Variants in RASA3 observed in about 807,000 individuals in gnomAD.
RASA3 encodes RAS p21 protein activator 3, also known as ras GTPase-activating protein 3.
Under a neutral mutation model 110.0 loss-of-function variants are expected in RASA3, and 73 were observed. That is an observed-to-expected ratio of 0.66 (90% confidence interval 0.55 to 0.81). RASA3 has a LOEUF of 0.81. Ranked by LOEUF, RASA3 falls within the 30% of genes least tolerant of loss-of-function variation. RASA3 has a pLI of 0.00. For missense variants in RASA3, 976 were observed against 1,113.2 expected (o/e 0.88, Z 1.75); for synonymous variants, 500 against 451.4 (o/e 1.11, Z -1.37).
chr13:114,000,936 T>C lies in RASA3; in HGVS notation c.1743-4A>G. 1.2e-6 allele frequency: 2 copies of C among 1,603,878 alleles called. No individual in the cohort carries two copies. The highest frequency in any genetic ancestry group is 8.5e-7 in the Non-Finnish European group (1 of 1,170,926). ...TTGGGCCCTCTTGATCATGAACCTG[T>C]GTGAAGAGCACACAGGGCCGGGGTC... On this transcript the variant is annotated splice_polypyrimidine_tract_variant and splice_region_variant and intron_variant, in intron 18 of 23. Coordinates refer to ENST00000334062, the MANE Select transcript of RASA3 (RefSeq NM_007368.4).
At chr13:114,072,375 T>C (rs2079586861) in intron 2 of RASA3, among the ~76,000 whole-genome samples, 1 of 152,216 alleles carries the variant, frequency 6.6e-6, no homozygotes, top group African/African-American at 2.4e-5. Flanking sequence ...GGGAAACTTG[T>C]TGATTTTAAG....
At chr13:114,053,010 C>T (rs371279263) in intron 2 of RASA3, among the ~76,000 whole-genome samples, 37 of 73,070 alleles carry the variant, frequency 5.1e-4, no homozygotes, top group African/African-American at 1.2e-3. Flanking sequence ...GGGGGAGAGA[C>T]CCCCGCTGCT....
rs139371470 is a variant in RASA3 at position 114,014,241 on chromosome 13, G to A, written c.1405+968C>T. 4.9e-3 allele frequency among the ~76,000 whole-genome samples: 740 copies of A among 152,298 alleles called. 8 individuals are homozygous for A. The highest frequency in any genetic ancestry group is 7.7e-3 in the Non-Finnish European group (522 of 68,026). ...CCCTTTGGTGTCTCATTCCACAGTG[G>A]TCTGTGCTCATCTGGGTGAGAGGAT... On this transcript the variant is annotated intron_variant, in intron 14 of 23. Coordinates refer to ENST00000334062, the MANE Select transcript of RASA3 (RefSeq NM_007368.4). This position sits in a 1 kb window ranked among gnomAD's most constrained non-coding sequence, Gnocchi z 4.5.
chr13:114,052,917 ACCCCCGC>A (rs2079172986), intron 2 of RASA3, among the ~76,000 whole-genome samples: 1 of 82,386 alleles, frequency 1.2e-5, no homozygotes, highest in African/African-American at 5.6e-5. Flanking sequence ...TGGGGGAGAG[ACCCCCGC>A]TGCTGACTGT....
At chr13:114,077,984 T>C (rs2079721096) in intron 1 of RASA3, 2 of 978,664 alleles carry the variant, frequency 2.0e-6, no homozygotes, top group Admixed American at 6.3e-5. Flanking sequence ...TAATAAAGCA[T>C]TGAAACAGAA....
chr13:114,012,231 T>A (rs1377014913), intron 15 of RASA3, among the ~76,000 whole-genome samples: 1 of 151,742 alleles, frequency 6.6e-6, no homozygotes. Flanking sequence ...CTGTCTCGAC[T>A]CCCCCAGAAC....
At position 114,029,815 on chromosome 13, in the gene RASA3, TG is replaced by T; in HGVS notation, c.444del (p.Thr149HisfsTer12). 6.3e-7 allele frequency: 1 copy of T among 1,592,320 alleles called. No homozygotes were observed. Reference protein sequence around the residue: ...TDTGVVCHKLATRIVECQGLP... With the variant: ...TDTGVVCHKLXTRIVECQGLP... ...TCTAGTGAGGACGTGTCTTACCGTGTGGCGAGCTTGTGGCAGACGACCCCAG... is the reference window on the plus strand; with the variant it reads ...TCTAGTGAGGACGTGTCTTACCGTGTGCGAGCTTGTGGCAGACGACCCCAG... On this transcript the variant is annotated frameshift_variant, in exon 5 of 24. Coordinates refer to ENST00000334062, the MANE Select transcript of RASA3 (RefSeq NM_007368.4). LOFTEE classifies it high-confidence loss of function.
intron 7 of RASA3, 74 bp downstream of exon 7, chr13:114,027,315 C>T: frequency 7.9e-7 from 1 of 1,264,284 alleles, no homozygotes; most frequent in Non-Finnish European, 1.1e-6. Flanking sequence ...TGAGATCATT[C>T]TGGATCCAGA....
At chr13:114,073,865 C>A in intron 1 of RASA3, 28 bp from the exon 2 acceptor site, 1 of 1,555,592 alleles carries the variant, frequency 6.4e-7, no homozygotes, top group South Asian at 1.1e-5. Context: ...CATACATCAT[C>A]AGCAGCGTAG....
intron 7 of RASA3, among the ~76,000 whole-genome samples, chr13:114,024,579 T>C (rs2053992966): frequency 6.6e-6 from 1 of 152,272 alleles, no homozygotes; most frequent in African/African-American, 2.4e-5. Context: ...AGGTGAGACC[T>C]GCCCCAAGGC....
rs971678240 is a variant in RASA3 at position 113,996,142 on chromosome 13, G to A, written c.2141+389C>T. Among the ~76,000 whole-genome samples, 26 of 152,110 alleles carry A rather than the reference G, an allele frequency of 1.7e-4. 1 individual carries two copies. Among genetic ancestry groups the A allele is most frequent in the Non-Finnish European group, 2.4e-4 (16 of 67,970 alleles). On this transcript the variant is annotated intron_variant, in intron 21 of 23. Coordinates refer to ENST00000334062, the MANE Select transcript of RASA3 (RefSeq NM_007368.4). ...GGCCGGGAAGACAACGGGCTGCTGC[G>A]TCATGTGGAATCAAGGTGGGTGTCC...
chr13:114,074,616 CTG>C (rs1463004069), intron 1 of RASA3, among the ~76,000 whole-genome samples: 2 of 152,168 alleles, frequency 1.3e-5, no homozygotes, highest in African/African-American at 4.8e-5. Flanking sequence ...CGTGAGTTAA[CTG>C]TAAACTCCAG....
At chr13:114,088,522 G>A (rs2079848683) in intron 1 of RASA3, among the ~76,000 whole-genome samples, 1 of 151,828 alleles carries the variant, frequency 6.6e-6, no homozygotes, top group South Asian at 2.1e-4. Flanking sequence ...TGATGGATTT[G>A]AACAGATTTG....
chr13:114,003,895 CTT>C (rs2053458014), intron 18 of RASA3, among the ~76,000 whole-genome samples: 1 of 152,236 alleles, frequency 6.6e-6, no homozygotes, highest in Non-Finnish European at 1.5e-5. Context: ...TCTGGCGTCT[CTT>C]TATTCTGTGT....
intron 3 of RASA3, among the ~76,000 whole-genome samples, chr13:114,043,814 G>C (rs968678758): frequency 1.4e-5 from 2 of 144,270 alleles, no homozygotes; most frequent in African/African-American, 2.5e-5. Context: ...GGACACCTCC[G>C]CCTGGCCCAC....
At chr13:114,127,383 G>A (rs1415997296) in intron 1 of RASA3, among the ~76,000 whole-genome samples, 3 of 152,212 alleles carry the variant, frequency 2.0e-5, no homozygotes, top group Non-Finnish European at 4.4e-5. Flanking sequence ...ATGGGTGGCT[G>A]TGGCCCTGCT....
intron 9 of RASA3, among the ~76,000 whole-genome samples, chr13:114,019,515 G>A (rs1313878901): frequency 2.0e-5 from 3 of 148,116 alleles, no homozygotes; most frequent in Admixed American, 6.7e-5. Context: ...GCCCCCATCA[G>A]GTGGGTGGAG....
At chr13:114,059,454 C>A (rs570629312) in intron 2 of RASA3, among the ~76,000 whole-genome samples, 6 of 152,274 alleles carry the variant, frequency 3.9e-5, no homozygotes, top group Non-Finnish European at 7.3e-5. Flanking sequence ...CCAGGAGGCA[C>A]AGGTGCCCAC....
At position 114,096,886 on chromosome 13, in the gene RASA3, C is replaced by T. The variant is rs907245136; in HGVS notation, c.56-23049G>A. Among the ~76,000 whole-genome samples, 14 of 152,184 alleles carry T rather than the reference C, an allele frequency of 9.2e-5. No homozygotes were observed. The highest frequency in any genetic ancestry group is 2.4e-4 in the African/African-American group (10 of 41,450). On this transcript the variant is annotated intron_variant, in intron 1 of 23. Coordinates refer to ENST00000334062, the MANE Select transcript of RASA3 (RefSeq NM_007368.4). This position sits in a 1 kb window ranked among gnomAD's most constrained non-coding sequence, Gnocchi z 5.1. The stretch of plus-strand genomic sequence containing the variant: ...CCCTACACCCCAGCCAAACGCACTC[C>T]GTGTTTGCCAACATGTGCGCCTTTG...
Sources: gnomAD v4.1 joint callset for allele counts (sites outside exome capture counted in the v4.1 genomes callset) on GRCh38, gnomAD v4.1.1 for gene constraint, Gnocchi (gnomAD v3.1) non-coding constraint, MANE v1.5 for transcripts, NCBI Gene and HGNC (gene_info 2026-07-23, HGNC 2026-07-21) for gene names.